The following SBF2 variants were observed in gnomAD, a reference collection of about 807,000 sequenced individuals.
SBF2 encodes the protein SET binding factor 2, also known as myotubularin-related protein 13.
A neutral mutation model predicts 225.2 loss-of-function variants in SBF2; 112 were observed. The ratio of observed to expected loss-of-function variants is 0.50; its 90% CI spans 0.43 to 0.58. The LOEUF is 0.58. Among genes scored for constraint, SBF2 ranks in the 20% least tolerant of loss-of-function variants. SBF2 has a pLI of 0.00. For missense variants in SBF2, 1,996 were observed against 2,206.2 expected (o/e 0.90, Z 1.91); for synonymous variants, 763 against 773.3 (o/e 0.99, Z 0.22).
In SBF2 at chr11:10,019,114, C is replaced by T. The variant is rs117171510; in HGVS notation, c.619+9338G>A. The stretch of plus-strand genomic sequence containing the variant: ...GGGGTAAGAGCTGTGATTTGTTCAT[C>T]TTTATATCCCCAGTGACTAACTCAG... On this transcript the variant is annotated intron_variant, in intron 6 of 39. Coordinates refer to ENST00000256190, the MANE Select transcript of SBF2 (RefSeq NM_030962.4). 1.2e-4 allele frequency among the ~76,000 whole-genome samples: 19 copies of T among 152,216 alleles called. No homozygotes were observed. In the East Asian group the frequency reaches 3.7e-3, roughly 29 times the overall value.
At chr11:10,244,541 G>C (rs1959575173) in intron 1 of SBF2, among the ~76,000 whole-genome samples, 1 of 152,164 alleles carries the variant, frequency 6.6e-6, no homozygotes, top group Non-Finnish European at 1.5e-5. Flanking sequence ...TTAAAATCAG[G>C]AAGTGTGATG....
upstream of SBF2, among the ~76,000 whole-genome samples, chr11:10,297,309 C>G (rs1315718664): frequency 6.6e-6 from 1 of 152,090 alleles, no homozygotes; most frequent in Non-Finnish European, 1.5e-5. Flanking sequence ...ATCCTCCCAC[C>G]TAGCCCTCCC....
At chr11:10,041,072 T>C (rs570784305) in intron 3 of SBF2, among the ~76,000 whole-genome samples, 4 of 152,194 alleles carry the variant, frequency 2.6e-5, no homozygotes, top group South Asian at 2.1e-4. Context: ...TAAATAATTA[T>C]AGTTAGTTTC....
Position 9,833,621 on chromosome 11 carries a change from C to T in SBF2, c.3456-1201G>A, listed in dbSNP as rs558048414. 4.7e-3 allele frequency among the ~76,000 whole-genome samples: 718 copies of T among 151,998 alleles called. 3 individuals are homozygous for T. Among genetic ancestry groups the T allele is most frequent in the East Asian group, 6.2e-3 (32 of 5,178 alleles). On this transcript the variant is annotated intron_variant, in intron 26 of 39. Transcript: ENST00000256190. ...ATTTTCAATAGAGACGGGGTTTCACCGTGTTAGCCAGGATGGTCTCGATCT... is the reference window on the plus strand; with the variant it reads ...ATTTTCAATAGAGACGGGGTTTCACTGTGTTAGCCAGGATGGTCTCGATCT...
chr11:9,905,412 A>C (rs1452494526), intron 16 of SBF2, among the ~76,000 whole-genome samples: 1 of 152,234 alleles, frequency 6.6e-6, no homozygotes, highest in Admixed American at 6.5e-5. Flanking sequence ...TTCCAGAATT[A>C]ACATTGAGCG....
At chr11:9,982,452 A>G (rs989291177) in intron 13 of SBF2, among the ~76,000 whole-genome samples, 2 of 152,232 alleles carry the variant, frequency 1.3e-5, no homozygotes, top group Admixed American at 6.5e-5. Context: ...ACCAACTGTA[A>G]TATCTCATAA....
At chr11:10,254,386 A>G (rs78715254) in intron 1 of SBF2, among the ~76,000 whole-genome samples, 1 of 141,060 alleles carries the variant, frequency 7.1e-6, no homozygotes, top group Admixed American at 7.0e-5. Flanking sequence ...GTCTCAAAAG[A>G]AAAAAAAAAA....
At chr11:9,906,385 T>C (rs1405937678) in intron 16 of SBF2, among the ~76,000 whole-genome samples, 1 of 152,096 alleles carries the variant, frequency 6.6e-6, no homozygotes, top group Non-Finnish European at 1.5e-5. Context: ...TTCCACAAAT[T>C]AAAAAAATTA....
At position 9,863,121 on chromosome 11, in the gene SBF2, G is replaced by A. The variant is rs571669664; in HGVS notation, c.1930-4725C>T. On this transcript the variant is annotated intron_variant, in intron 17 of 39. Transcript: ENST00000256190. ...ACAGCCCGTGAAGGTACTAGATTAA[G>A]CAATGCCATTCATTTTCCACAAAGC... Among the ~76,000 whole-genome samples the A allele has an allele frequency of 3.3e-5, 5 of 152,272 alleles. 1 individual carries two copies. Among genetic ancestry groups the A allele is most frequent in the Admixed American group, 6.5e-5 (1 of 15,298 alleles).
In SBF2 at chr11:9,998,424, T is replaced by C. The variant is rs750942566; in HGVS notation, c.862-45A>G. 17 of 1,044,778 alleles carry C rather than the reference T, an allele frequency of 1.6e-5. No individual in the cohort carries two copies. The Admixed American group carries it at 2.1e-4, about 13-fold the overall frequency. 64.7% of individuals were successfully genotyped at this position (1,044,778 alleles called of 1,614,324 possible). A position where few individuals can be genotyped will look rare whatever the true frequency, so the allele number is the denominator to read the frequency against. On this transcript the variant is annotated intron_variant, in intron 8 of 39. Transcript: ENST00000256190. ...TAACCTATAATTACCAAAATACATT[T>C]GTTGTTAAGCAAATTATTTTTCCCT... is the stretch of plus-strand genomic sequence containing the variant.
chr11:9,941,901 A>C (rs1342652143), intron 16 of SBF2, among the ~76,000 whole-genome samples: 1 of 152,200 alleles, frequency 6.6e-6, no homozygotes, highest in East Asian at 1.9e-4. Flanking sequence ...CAAATTACTA[A>C]AATTAAGGAA....
At chr11:9,828,189 C>G in intron 28 of SBF2, 1 of 1,289,656 alleles carries the variant, frequency 7.8e-7, no homozygotes, top group South Asian at 1.2e-5. Context: ...TGCTTAAGCA[C>G]AGTGGACATT....
chr11:10,001,955 TATTA>T (rs1947980424), intron 7 of SBF2, among the ~76,000 whole-genome samples: 1 of 152,210 alleles, frequency 6.6e-6, no homozygotes, highest in Admixed American at 6.5e-5. Context: ...GTTACAGCAC[TATTA>T]GTCATCACTG....
intron 6 of SBF2, among the ~76,000 whole-genome samples, chr11:10,006,931 G>A (rs889346254): frequency 6.6e-6 from 1 of 152,208 alleles, no homozygotes; most frequent in African/African-American, 2.4e-5. Flanking sequence ...TCCAAGTTGA[G>A]AGTCACTGGA....
intron 2 of SBF2, among the ~76,000 whole-genome samples, chr11:10,184,085 C>T (rs1348403509): frequency 6.6e-6 from 1 of 152,132 alleles, no homozygotes; most frequent in Non-Finnish European, 1.5e-5. Context: ...ACTGAAATAT[C>T]ACCCTGTTTC....
chr11:10,070,075 G>A (rs1463830172), intron 2 of SBF2, among the ~76,000 whole-genome samples: 1 of 152,160 alleles, frequency 6.6e-6, no homozygotes, highest in African/African-American at 2.4e-5. Context: ...CAGATGGGTA[G>A]ACTGCAAAAT....
chr11:10,005,137 A>C (rs1163049027), intron 6 of SBF2, among the ~76,000 whole-genome samples: 1 of 152,226 alleles, frequency 6.6e-6, no homozygotes, highest in Non-Finnish European at 1.5e-5. Flanking sequence ...CAGAAACATC[A>C]GAAACTGGTG....
chr11:10,289,389 C>T (rs997403283), intron 1 of SBF2, among the ~76,000 whole-genome samples: 4 of 152,134 alleles, frequency 2.6e-5, no homozygotes, highest in Admixed American at 6.5e-5. Flanking sequence ...CCCAGGAGGG[C>T]GGGGCTGCTG....
At chr11:10,091,827 C>T (rs1423208494) in intron 2 of SBF2, among the ~76,000 whole-genome samples, 1 of 152,164 alleles carries the variant, frequency 6.6e-6, no homozygotes, top group Non-Finnish European at 1.5e-5. Flanking sequence ...ACGAACTGAT[C>T]TAAAACCAAG....
Sources: gnomAD v4.1 joint callset for allele counts (sites outside exome capture counted in the v4.1 genomes callset) on GRCh38, gnomAD v4.1.1 for gene constraint, MANE v1.5 for transcripts, NCBI Gene and HGNC (gene_info 2026-07-23, HGNC 2026-07-21) for gene names.